The following NRG1 variants were observed in gnomAD, a reference collection of about 807,000 sequenced individuals.
NRG1 encodes the protein pro-neuregulin-1, membrane-bound isoform.
NRG1 carries 18 observed loss-of-function variants against 63.8 expected under a neutral mutation model. That is an observed-to-expected ratio of 0.28 (90% CI 0.19 to 0.42). The LOEUF (loss-of-function observed/expected upper bound fraction) is 0.42, where lower values mean the gene tolerates loss of function less well. Among genes scored for constraint, NRG1 ranks in the 10% least tolerant of loss-of-function variants. NRG1 has a pLI of 1.00. For missense variants in NRG1, 762 were observed against 814.7 expected, an observed-to-expected ratio of 0.94 and a Z score of 0.79; for synonymous variants, 302 against 301.3, an observed-to-expected ratio of 1.00 and a Z score of -0.02.
chr8:32,107,119 C>T (rs756175613), intron 1 of NRG1, among the ~76,000 whole-genome samples: 2 of 152,002 alleles, frequency 1.3e-5, no homozygotes, highest in South Asian at 2.1e-4. Flanking sequence ...GCCTGTAATC[C>T]CAGCTACTCA....
At chr8:32,749,167 C>T (rs2129047724) in intron 7 of NRG1, 1 of 170,984 alleles carries the variant, frequency 5.8e-6, no homozygotes, top group Admixed American at 5.9e-5. Flanking sequence ...AATTCACCTC[C>T]TTGGAACTTT....
intron 1 of NRG1, among the ~76,000 whole-genome samples, chr8:32,475,985 C>A (rs1824468176): frequency 6.6e-6 from 1 of 152,110 alleles, no homozygotes; most frequent in Non-Finnish European, 1.5e-5. Context: ...GAAATGAGAT[C>A]AAATATGCCT....
At chr8:32,599,597 A>G (rs373797378) in intron 2 of NRG1, among the ~76,000 whole-genome samples, 6 of 152,186 alleles carry the variant, frequency 3.9e-5, no homozygotes, top group Non-Finnish European at 7.3e-5. Context: ...TGTGGGGCCA[A>G]TGAAAAGAAA....
At chr8:31,756,114 T>A (rs1816941156) in intron 1 of NRG1, among the ~76,000 whole-genome samples, 1 of 152,000 alleles carries the variant, frequency 6.6e-6, no homozygotes, top group Non-Finnish European at 1.5e-5. Flanking sequence ...ATCTTCATCC[T>A]CCCTCCCCTA....
intron 1 of NRG1, among the ~76,000 whole-genome samples, chr8:31,922,638 TGA>T (rs1491122336): frequency 2.0e-5 from 3 of 152,074 alleles, no homozygotes; most frequent in African/African-American, 4.8e-5. Flanking sequence ...AAGAGGAAAA[TGA>T]GAGTCTGTGC....
At chr8:32,342,011 G>A (rs1006863922) in intron 1 of NRG1, among the ~76,000 whole-genome samples, 1 of 152,084 alleles carries the variant, frequency 6.6e-6, no homozygotes, top group Non-Finnish European at 1.5e-5. Context: ...GTGTCATTAT[G>A]TGAATTCTTG....
chr8:32,756,582 C>G (rs757839312), intron 9 of NRG1, 53 bp downstream of exon 9: 1 of 1,531,930 alleles, frequency 6.5e-7, no homozygotes, highest in East Asian at 2.4e-5. Context: ...TTTGTTCAGA[C>G]GCCTTGAAGT....
rs567576201 is a variant in NRG1 at position 31,952,622 on chromosome 8, T to A, written c.37+313191T>A. On this transcript the variant is annotated intron_variant, in intron 1 of 10. Transcript: ENST00000519301. ...AAACAACTGTTACATTTGATCTAAT[T>A]ATTTTAGATCATTAACTTTGAAAAT... Among the ~76,000 whole-genome samples the A allele has an allele frequency of 2.0e-5, 3 of 152,402 alleles. No homozygotes were observed. The South Asian group carries it at 6.2e-4, about 32-fold the overall frequency.
chr8:32,046,789 C>T (rs1288303219), intron 1 of NRG1, among the ~76,000 whole-genome samples: 5 of 151,916 alleles, frequency 3.3e-5, no homozygotes, highest in African/African-American at 1.2e-4. Flanking sequence ...AGTGTGACTA[C>T]AAGGAGATAG....
At chr8:31,958,213 A>G (rs1210543015) in intron 1 of NRG1, among the ~76,000 whole-genome samples, 1 of 152,218 alleles carries the variant, frequency 6.6e-6, no homozygotes, top group African/African-American at 2.4e-5. Context: ...ATTAAAGATA[A>G]CAGGTAAATG....
chr8:32,082,820 G>A (rs1046848515), intron 1 of NRG1, among the ~76,000 whole-genome samples: 7 of 152,072 alleles, frequency 4.6e-5, no homozygotes, highest in African/African-American at 1.4e-4. Flanking sequence ...CAGTCACATT[G>A]TATATTATAA....
chr8:31,916,129 T>C (rs1833360307), intron 1 of NRG1, among the ~76,000 whole-genome samples: 1 of 152,128 alleles, frequency 6.6e-6, no homozygotes, highest in African/African-American at 2.4e-5. Context: ...ACTAGAACAG[T>C]TTGGCTACAT....
intron 1 of NRG1, among the ~76,000 whole-genome samples, chr8:31,700,399 T>C (rs1810513440): frequency 6.6e-6 from 1 of 152,162 alleles, no homozygotes; most frequent in Non-Finnish European, 1.5e-5. Context: ...CACCAAAGCC[T>C]AACCTAGGAT....
At chr8:32,502,889 T>C (rs1828030725) in intron 1 of NRG1, among the ~76,000 whole-genome samples, 1 of 152,150 alleles carries the variant, frequency 6.6e-6, no homozygotes, top group Admixed American at 6.5e-5. Context: ...ATACATTCTC[T>C]CATAATTTCT....
At chr8:31,757,633 A>G (rs994626557) in intron 1 of NRG1, among the ~76,000 whole-genome samples, 1 of 152,156 alleles carries the variant, frequency 6.6e-6, no homozygotes, top group African/African-American at 2.4e-5. Flanking sequence ...TCTTATTTCA[A>G]CTTATACTTT....
chr8:32,069,435 G>T (rs1355381081), intron 1 of NRG1, among the ~76,000 whole-genome samples: 1 of 152,206 alleles, frequency 6.6e-6, no homozygotes, highest in Non-Finnish European at 1.5e-5. Flanking sequence ...CTGCCTAGAA[G>T]TAAGGTGCAG....
At chr8:32,086,951 T>C (rs985685304) in intron 1 of NRG1, among the ~76,000 whole-genome samples, 1 of 152,204 alleles carries the variant, frequency 6.6e-6, no homozygotes, top group African/African-American at 2.4e-5. Flanking sequence ...AATATAGCAT[T>C]GTTAACTCTA....
At chr8:32,089,430 C>T (rs1383324433) in intron 1 of NRG1, among the ~76,000 whole-genome samples, 1 of 152,138 alleles carries the variant, frequency 6.6e-6, no homozygotes, top group African/African-American at 2.4e-5. Context: ...ATTTTGTTCC[C>T]TTCTGTGGAA....
At chr8:31,769,064 C>G (rs1044169960) in intron 1 of NRG1, among the ~76,000 whole-genome samples, 1 of 152,134 alleles carries the variant, frequency 6.6e-6, no homozygotes, top group Non-Finnish European at 1.5e-5. Flanking sequence ...AACATGTACT[C>G]CTTACCCTGC....
Sources: allele counts gnomAD v4.1 joint callset (sites outside exome capture counted in the v4.1 genomes callset), GRCh38; gene constraint gnomAD v4.1.1; transcripts MANE v1.5; gene names NCBI Gene and HGNC (gene_info 2026-07-23, HGNC 2026-07-21).